The following COL4A1 variants were observed in gnomAD, a reference collection of about 807,000 sequenced individuals.
COL4A1 encodes the protein collagen type IV alpha 1 chain.
Under a neutral mutation model 216.6 loss-of-function variants are expected in COL4A1, and 40 were observed. The ratio of observed to expected loss-of-function variants is 0.18; its 90% CI spans 0.14 to 0.24. The LOEUF (loss-of-function observed/expected upper bound fraction) is 0.24. Ranked by LOEUF, COL4A1 falls within the 10% of genes least tolerant of loss-of-function variation. COL4A1 has a pLI of 1.00. For missense variants in COL4A1, 1,628 were observed against 2,196.8 expected, an observed-to-expected ratio of 0.74 and a Z score of 5.18; for synonymous variants, 839 against 810.7, an observed-to-expected ratio of 1.03 and a Z score of -0.59.
intron 1 of COL4A1, among the ~76,000 whole-genome samples, chr13:110,257,122 A>C (rs1594096814): frequency 6.6e-6 from 1 of 152,316 alleles, no homozygotes; most frequent in African/African-American, 2.4e-5. Context: ...AGTTCCCAAA[A>C]CCCAAAGAAA....
At chr13:110,264,737 C>CTT (rs981098838) in intron 1 of COL4A1, among the ~76,000 whole-genome samples, 8 of 152,136 alleles carry the variant, frequency 5.3e-5, no homozygotes, top group African/African-American at 1.9e-4. Flanking sequence ...CCTTCCCCGT[C>CTT]TCTTTCTTTC....
chr13:110,205,318 T>C (rs766364332), intron 17 of COL4A1, 35 bp downstream of exon 17: 3 of 1,612,946 alleles, frequency 1.9e-6, no homozygotes, highest in Non-Finnish European at 2.5e-6. Flanking sequence ...AATTGGAAAG[T>C]GAAGATAAAG....
At chr13:110,219,690 G>GTATATATATATGTATATATATGTA in intron 2 of COL4A1, among the ~76,000 whole-genome samples, 1 of 135,080 alleles carries the variant, frequency 7.4e-6, no homozygotes, top group East Asian at 2.1e-4. Flanking sequence ...GTATATATAT[G>GTATATATATATGTATATATATGTA]TATATATATG....
At chr13:110,304,981 T>C (rs1343592446) in intron 1 of COL4A1, among the ~76,000 whole-genome samples, 1 of 152,218 alleles carries the variant, frequency 6.6e-6, no homozygotes, top group Non-Finnish European at 1.5e-5. Flanking sequence ...TTCAGTGTTA[T>C]GGTACATCTA....
At chr13:110,298,080 G>T (rs184440060) in intron 1 of COL4A1, among the ~76,000 whole-genome samples, 10 of 151,778 alleles carry the variant, frequency 6.6e-5, no homozygotes, top group Admixed American at 6.6e-4. Context: ...AACCTCCATG[G>T]AAAAAAGAGA....
chr13:110,175,173 A>G lies in COL4A1; in HGVS notation c.3198+45T>C. 4 of 1,611,162 alleles carry G rather than the reference A, an allele frequency of 2.5e-6. No homozygotes were observed. The East Asian group carries it at 6.7e-5, about 27-fold the overall frequency. The stretch of plus-strand genomic sequence containing the variant: ...TGAGCATTTCTCAGGCAGCATCTCC[A>G]CTGAGCTGGGAGAAGGGGACCTTTC... On this transcript the variant is annotated intron_variant, in intron 37 of 51. Transcript: ENST00000375820.
Position 110,252,689 on chromosome 13 carries a change from C to CAT in COL4A1, c.85-9957_85-9956dup, listed in dbSNP as rs1422614989. ...TATATACATATAATATGTATATATA[C>CAT]ATATAATTATATGTATATATGTATT... On this transcript the variant is annotated intron_variant, in intron 1 of 51. Coordinates refer to ENST00000375820, the MANE Select transcript of COL4A1 (RefSeq NM_001845.6). Among the ~76,000 whole-genome samples, 141 of 139,658 alleles carry CAT rather than the reference C, an allele frequency of 1.0e-3. 1 individual carries two copies. The Middle Eastern group carries it at 0.022, about 22-fold the overall frequency. The allele number at this position is 139,658 out of a possible 152,430, so 91.6% of individuals were successfully genotyped here.
rs550979024 is a variant in COL4A1, at chr13:110,195,002, A to T, written c.1381+21T>A. ...TACGCAAAGACACAACCACCATTTT[A>T]AAAAAATCAAAATTTCTTACCTTTC... On this transcript the variant is annotated intron_variant, in intron 22 of 51. Coordinates refer to ENST00000375820, the MANE Select transcript of COL4A1 (RefSeq NM_001845.6). The T allele has an allele frequency of 1.4e-4, 227 of 1,604,790 alleles. 2 individuals carry two copies. The highest frequency in any genetic ancestry group is 1.4e-3 in the South Asian group (126 of 90,828).
intron 1 of COL4A1, among the ~76,000 whole-genome samples, chr13:110,279,496 C>T (rs1399775729): frequency 2.0e-5 from 3 of 152,088 alleles, no homozygotes; most frequent in Admixed American, 2.0e-4. Flanking sequence ...TTTTTTTGCT[C>T]AGTTCCCCAT....
chr13:110,232,625 C>CA (rs1881114413), intron 2 of COL4A1, among the ~76,000 whole-genome samples: 2 of 152,094 alleles, frequency 1.3e-5, no homozygotes, highest in African/African-American at 2.4e-5. Context: ...ATCATATTTA[C>CA]AAAAAAATAT....
intron 1 of COL4A1, among the ~76,000 whole-genome samples, chr13:110,286,343 G>A (rs989964653): frequency 3.3e-5 from 5 of 152,192 alleles, no homozygotes; most frequent in African/African-American, 9.6e-5. Context: ...GAGGGTGGCT[G>A]CAGGCAGAGT....
At chr13:110,163,650 A>G (rs1877189158) in intron 46 of COL4A1, 89 bp from the exon 47 acceptor site, 1 of 1,257,058 alleles carries the variant, frequency 8.0e-7, no homozygotes, top group African/African-American at 1.5e-5. Context: ...TCAGTGTTCA[A>G]GGAGCCAAGC....
At position 110,298,542 on chromosome 13, in the gene COL4A1, G is replaced by C. The variant is rs1229576456; in HGVS notation, c.84+8402C>G. ...CTGACCCATTTTCCTGCTTTGGTAA[G>C]TTTATCTTCATTGTATAGGCCATTT... On this transcript the variant is annotated intron_variant, in intron 1 of 51. Coordinates refer to ENST00000375820, the MANE Select transcript of COL4A1 (RefSeq NM_001845.6). 2.0e-5 allele frequency: 3 copies of C among 152,192 alleles called. No individual in the cohort carries two copies. The East Asian group carries it at 5.8e-4, about 29-fold the overall frequency. 9.4% of individuals were successfully genotyped at this position (152,192 alleles called of 1,614,324 possible). A position where few individuals can be genotyped will look rare whatever the true frequency, so the allele number is the denominator to read the frequency against.
At chr13:110,286,282 C>G (rs1362698272) in intron 1 of COL4A1, among the ~76,000 whole-genome samples, 1 of 152,184 alleles carries the variant, frequency 6.6e-6, no homozygotes, top group African/African-American at 2.4e-5. Flanking sequence ...ACACCCAGGC[C>G]AATAACCATC....
intron 1 of COL4A1, among the ~76,000 whole-genome samples, chr13:110,261,944 G>A (rs1188104475): frequency 6.6e-6 from 1 of 152,186 alleles, no homozygotes; most frequent in East Asian, 1.9e-4. Flanking sequence ...AGGGCAGGTG[G>A]GCACAGGGCA....
intron 1 of COL4A1, among the ~76,000 whole-genome samples, chr13:110,289,415 G>T (rs1180669209): frequency 2.0e-5 from 3 of 152,060 alleles, no homozygotes; most frequent in African/African-American, 2.4e-5. Context: ...CCTGTGAGGG[G>T]ACAAGGCCCT....
intron 51 of COL4A1, among the ~76,000 whole-genome samples, chr13:110,151,762 G>A (rs1048482736): frequency 1.3e-5 from 2 of 152,176 alleles, no homozygotes; most frequent in Non-Finnish European, 2.9e-5. Context: ...GGACCGGCCC[G>A]GCTCCCAGTC....
At chr13:110,201,298 G>A (rs544740980) in intron 19 of COL4A1, 140 bp downstream of exon 19, 4 of 601,366 alleles carry the variant, frequency 6.7e-6, no homozygotes, top group African/African-American at 3.9e-5. Flanking sequence ...GAGAAGGAGG[G>A]GGCGGAGGAA....
chr13:110,172,643 G>A, intron 41 of COL4A1, 77 bp downstream of exon 41: 1 of 1,413,158 alleles, frequency 7.1e-7, no homozygotes, highest in Non-Finnish European at 1.0e-6. Context: ...GCTTCATCCT[G>A]AAGACACTGC....
Sources: allele counts gnomAD v4.1 joint callset (sites outside exome capture counted in the v4.1 genomes callset), GRCh38; gene constraint gnomAD v4.1.1; transcripts MANE v1.5; gene names NCBI Gene and HGNC (gene_info 2026-07-23, HGNC 2026-07-21).